The following PLD5 variants were observed in gnomAD, a reference collection of about 807,000 sequenced individuals.
PLD5 encodes the protein phospholipase D family member 5, also known as inactive phospholipase D5.
Under a neutral mutation model 61.1 loss-of-function variants are expected in PLD5, and 36 were observed. That is an observed-to-expected ratio of 0.59 (90% CI 0.45 to 0.78). PLD5 has a LOEUF of 0.78. Ranked by LOEUF, PLD5 falls within the 30% of genes least tolerant of loss-of-function variation. The probability of loss-of-function intolerance (pLI) is 0.00; values close to 1 mark genes in which losing one functional copy is unlikely to be tolerated. For missense variants in PLD5, 515 were observed against 644.4 expected (o/e 0.80, Z 2.17); for synonymous variants, 243 against 242.8 (o/e 1.00, Z -0.01).
chr1:242,344,048 G>C (rs1335153653), intron 2 of PLD5, among the ~76,000 whole-genome samples: 6 of 152,174 alleles, frequency 3.9e-5, no homozygotes, highest in Middle Eastern at 3.2e-3. Flanking sequence ...AGTTAGACTT[G>C]TAGGAAATCA....
intron 5 of PLD5, among the ~76,000 whole-genome samples, chr1:242,199,221 A>AT (rs1668832700): frequency 6.6e-6 from 1 of 151,934 alleles, no homozygotes; most frequent in Admixed American, 6.6e-5. Context: ...GCACTGCTTT[A>AT]TTTTTTTAAA....
chr1:242,510,228 C>CA (rs1233854171), intron 1 of PLD5, among the ~76,000 whole-genome samples: 2 of 151,290 alleles, frequency 1.3e-5, no homozygotes, highest in Admixed American at 6.6e-5. Flanking sequence ...CACACACACA[C>CA]ACAAAAAAAG....
At chr1:242,412,768 C>T (rs1006727034) in intron 1 of PLD5, among the ~76,000 whole-genome samples, 1 of 152,216 alleles carries the variant, frequency 6.6e-6, no homozygotes, top group African/African-American at 2.4e-5. Context: ...GTAAAAGGTG[C>T]TATTATCATT....
chr1:242,506,578 G>A (rs1431257907), intron 1 of PLD5, among the ~76,000 whole-genome samples: 2 of 152,206 alleles, frequency 1.3e-5, no homozygotes, highest in Non-Finnish European at 2.9e-5. Flanking sequence ...CTGGTAGAGA[G>A]GGGCAACAGT....
intron 1 of PLD5, among the ~76,000 whole-genome samples, chr1:242,437,058 G>A (rs1054413990): frequency 6.6e-6 from 1 of 152,074 alleles, no homozygotes; most frequent in Admixed American, 6.6e-5. Flanking sequence ...AGGTTTATAT[G>A]TGATCTCGAT....
chr1:242,483,143 G>A (rs1339893199), intron 1 of PLD5, among the ~76,000 whole-genome samples: 5 of 152,144 alleles, frequency 3.3e-5, no homozygotes, highest in African/African-American at 1.2e-4. Context: ...GGAAGAAACT[G>A]CATCAACTAA....
chr1:242,300,760 G>A, intron 2 of PLD5, among the ~76,000 whole-genome samples: 1 of 66,254 alleles, frequency 1.5e-5, no homozygotes, highest in Non-Finnish European at 3.5e-5. Context: ...CGGGACAAGG[G>A]TTGCAGCGGG....
At chr1:242,499,250 T>C (rs1203600368) in intron 1 of PLD5, among the ~76,000 whole-genome samples, 1 of 152,218 alleles carries the variant, frequency 6.6e-6, no homozygotes, top group Non-Finnish European at 1.5e-5. Context: ...GGGAAAAGTT[T>C]GGACATAGTT....
At chr1:242,412,537 T>C (rs1229787952) in intron 1 of PLD5, among the ~76,000 whole-genome samples, 2 of 152,236 alleles carry the variant, frequency 1.3e-5, no homozygotes, top group Non-Finnish European at 2.9e-5. Flanking sequence ...GTTCTTAATT[T>C]TGTCATTTCA....
upstream of PLD5, among the ~76,000 whole-genome samples, chr1:242,529,113 AT>A (rs1270836011): frequency 2.0e-5 from 3 of 152,232 alleles, no homozygotes; most frequent in Admixed American, 6.5e-5. Context: ...TAATTATAGG[AT>A]TATTTCTGTA....
chr1:242,217,501 G>A (rs1442997522), intron 5 of PLD5, among the ~76,000 whole-genome samples: 2 of 151,390 alleles, frequency 1.3e-5, no homozygotes, highest in African/African-American at 4.9e-5. Context: ...GTACATGCCT[G>A]TAATCCCAGC....
At chr1:242,409,097 A>C (rs1052571365) in intron 1 of PLD5, among the ~76,000 whole-genome samples, 3 of 149,750 alleles carry the variant, frequency 2.0e-5, no homozygotes, top group Non-Finnish European at 3.0e-5. Context: ...AAAAGAAAAG[A>C]AAAACAAGAA....
At chr1:242,386,650 G>A (rs1359088987) in intron 1 of PLD5, among the ~76,000 whole-genome samples, 1 of 152,088 alleles carries the variant, frequency 6.6e-6, no homozygotes, top group Admixed American at 6.6e-5. Flanking sequence ...AAAAATAAGT[G>A]TATCAGAACT....
At chr1:242,486,877 A>G (rs1339568069) in intron 1 of PLD5, among the ~76,000 whole-genome samples, 1 of 152,170 alleles carries the variant, frequency 6.6e-6, no homozygotes, top group East Asian at 1.9e-4. Context: ...AATACTATGC[A>G]GCCATAAAAA....
intron 4 of PLD5, among the ~76,000 whole-genome samples, chr1:242,263,454 T>C (rs1294909625): frequency 6.6e-6 from 1 of 150,874 alleles, no homozygotes; most frequent in African/African-American, 2.5e-5. Context: ...GATCATTTAA[T>C]ATATGTCTAC....
chr1:242,380,460 C>A (rs568129844), intron 1 of PLD5, among the ~76,000 whole-genome samples: 14 of 152,084 alleles, frequency 9.2e-5, no homozygotes, highest in Non-Finnish European at 1.2e-4. Flanking sequence ...ATTTAGAAAC[C>A]AAGATGGAAG....
intron 5 of PLD5, among the ~76,000 whole-genome samples, chr1:242,194,827 T>A (rs573137591): frequency 5.9e-4 from 90 of 152,078 alleles, no homozygotes; most frequent in Middle Eastern, 3.4e-3. Flanking sequence ...AGCCAAACTA[T>A]GAGGATGCAA....
intron 8 of PLD5, among the ~76,000 whole-genome samples, chr1:242,106,313 GA>G (rs1187663791): frequency 6.6e-6 from 1 of 152,154 alleles, no homozygotes; most frequent in Non-Finnish European, 1.5e-5. Context: ...TTGATGTCCA[GA>G]AATGCACATC....
At chr1:242,459,583 C>T (rs1382859777) in intron 1 of PLD5, among the ~76,000 whole-genome samples, 1 of 152,118 alleles carries the variant, frequency 6.6e-6, no homozygotes, top group Non-Finnish European at 1.5e-5. Context: ...TAGGGAGACC[C>T]CCTGAAACTA....
Sources: allele counts gnomAD v4.1 joint callset (sites outside exome capture counted in the v4.1 genomes callset), GRCh38; gene constraint gnomAD v4.1.1; transcripts MANE v1.5; gene names NCBI Gene and HGNC (gene_info 2026-07-23, HGNC 2026-07-21).